The following GNG7 variants were observed in gnomAD, a reference collection of about 807,000 sequenced individuals.
GNG7 encodes guanine nucleotide-binding protein G(I)/G(S)/G(O) subunit gamma-7.
In GNG7, 1 loss-of-function variant was observed where a neutral mutation model predicts 4.0. That is an observed-to-expected ratio of 0.25 (90% CI 0.09 to 1.18). The LOEUF (loss-of-function observed/expected upper bound fraction) is 1.18, where lower values mean the gene tolerates loss of function less well. GNG7 is among the 50% of genes most tolerant of loss of function. The probability of loss-of-function intolerance (pLI) is 0.50; values close to 1 mark genes in which losing one functional copy is unlikely to be tolerated. For missense variants in GNG7, 86 were observed against 91.9 expected (o/e 0.94, Z 0.26); for synonymous variants, 34 against 36.9 (o/e 0.92, Z 0.29).
rs557762144 is a variant in GNG7 at position 2,617,722 on chromosome 19, A to G, written c.-78+28502T>C. On this transcript the variant is annotated intron_variant, in intron 2 of 4. Coordinates refer to ENST00000382159, the MANE Select transcript of GNG7 (RefSeq NM_052847.3). This position sits in a 1 kb window ranked among gnomAD's most constrained non-coding sequence, Gnocchi z 4.7. ...CATCCTATTTTGTCTTTTCCTTTTTATTTTTTTTTTTTTTGAGATAGGGTC... is the reference window on the plus strand; with the variant it reads ...CATCCTATTTTGTCTTTTCCTTTTTGTTTTTTTTTTTTTTGAGATAGGGTC... Among the ~76,000 whole-genome samples the G allele has an allele frequency of 1.4e-4, 20 of 139,334 alleles. No individual in the cohort carries two copies. The Middle Eastern group carries it at 0.011, about 79-fold the overall frequency. 91.4% of individuals were successfully genotyped at this position (139,334 alleles called of 152,430 possible). A position where few individuals can be genotyped will look rare whatever the true frequency, so the allele number is the denominator to read the frequency against.
intron 2 of GNG7, among the ~76,000 whole-genome samples, chr19:2,635,606 G>A (rs939395005): frequency 8.3e-5 from 12 of 144,120 alleles, no homozygotes; most frequent in African/African-American, 2.3e-4. Flanking sequence ...TTTTTGAGAC[G>A]GAGTCTCGCT....
intron 2 of GNG7, among the ~76,000 whole-genome samples, chr19:2,605,900 G>A (rs1439078925): frequency 6.6e-6 from 1 of 152,106 alleles, no homozygotes; most frequent in Non-Finnish European, 1.5e-5. Context: ...TCCTTCATGT[G>A]ATCACTTCTG....
intron 2 of GNG7, among the ~76,000 whole-genome samples, chr19:2,585,299 CA>C (rs373374281): frequency 2.0e-5 from 3 of 152,060 alleles, no homozygotes; most frequent in African/African-American, 7.3e-5. Flanking sequence ...ATATATCTAG[CA>C]TATATGCCAT....
chr19:2,631,375 G>A (rs1453670294), intron 2 of GNG7, among the ~76,000 whole-genome samples: 1 of 152,224 alleles, frequency 6.6e-6, no homozygotes, highest in East Asian at 1.9e-4. Context: ...TTCCTCACGA[G>A]TGGTTATGAG....
At position 2,514,283 on chromosome 19, in the gene GNG7, C is replaced by G. The variant is rs1283027425; in HGVS notation, c.*739G>C. On this transcript the variant is annotated 3_prime_UTR_variant, in exon 5 of 5. Coordinates refer to ENST00000382159, the MANE Select transcript of GNG7 (RefSeq NM_052847.3). The stretch of plus-strand genomic sequence containing the variant: ...TGGGGCAAGTCCCGAAAACCCATTT[C>G]TGGCACAGAGGGGACCCTGCAGAAA... 1 of 152,168 alleles carries G rather than the reference C, an allele frequency of 6.6e-6. No individual in the cohort carries two copies. Among genetic ancestry groups the G allele is most frequent in the African/African-American group, 2.4e-5 (1 of 41,404 alleles). 9.4% of individuals were successfully genotyped at this position (152,168 alleles called of 1,614,324 possible).
intron 4 of GNG7, among the ~76,000 whole-genome samples, chr19:2,517,300 G>A (rs1226201077): frequency 1.3e-5 from 2 of 151,960 alleles, no homozygotes; most frequent in African/African-American, 4.8e-5. Context: ...GCCTCAGCTG[G>A]GAGTACCTGA....
chr19:2,644,327 TTATATA>T (rs56143197), intron 2 of GNG7, among the ~76,000 whole-genome samples: 301 of 113,932 alleles, frequency 2.6e-3, no homozygotes, highest in Non-Finnish European at 3.4e-3. Flanking sequence ...GGCCTACACT[TTATATA>T]TATATATATA....
chr19:2,655,202 A>C (rs1982934533), intron 1 of GNG7, among the ~76,000 whole-genome samples: 1 of 150,466 alleles, frequency 6.6e-6, no homozygotes, highest in Non-Finnish European at 1.5e-5. Context: ...AAAAAAAAAA[A>C]AAACCACACA....
In GNG7 at chr19:2,638,255, C is replaced by A. The variant is rs144602831; in HGVS notation, c.-78+7969G>T. Among the ~76,000 whole-genome samples, 1,079 of 149,728 alleles carry A rather than the reference C, an allele frequency of 7.2e-3. 18 individuals carry two copies. Among genetic ancestry groups the A allele is most frequent in the African/African-American group, 0.025 (1,020 of 40,588 alleles). ...GCATGCACCTGTAATCCCAGCTACT[C>A]GGGAGGCCGAGGCAGAGAATTACTT... On this transcript the variant is annotated intron_variant, in intron 2 of 4. Transcript: ENST00000382159.
At chr19:2,597,543 G>A (rs1448520127) in intron 2 of GNG7, among the ~76,000 whole-genome samples, 1 of 151,722 alleles carries the variant, frequency 6.6e-6, no homozygotes, top group African/African-American at 2.4e-5. Flanking sequence ...GTTGCAGTGA[G>A]CCGAGATCAC....
chr19:2,673,154 G>C (rs7254888), intron 1 of GNG7, among the ~76,000 whole-genome samples: 12,125 of 151,876 alleles, frequency 0.08, 927 homozygotes, highest in African/African-American at 0.2. Context: ...CTACTCAGGA[G>C]GGTGAGCCAG....
At position 2,523,513 on chromosome 19, in the gene GNG7, C is replaced by T. The variant is rs140431833; in HGVS notation, c.-37-2788G>A. The stretch of plus-strand genomic sequence containing the variant: ...GGCCAGACTGGGCAATTTAGTGAGA[C>T]CCCATCTCTGAATAAATAATAAAAG... On this transcript the variant is annotated intron_variant, in intron 3 of 4. Coordinates refer to ENST00000382159, the MANE Select transcript of GNG7 (RefSeq NM_052847.3). Among the ~76,000 whole-genome samples the T allele has an allele frequency of 1.8e-4, 27 of 152,090 alleles. No individual in the cohort carries two copies. In the East Asian group the frequency reaches 4.1e-3, roughly 23 times the overall value.
At chr19:2,628,832 A>C (rs777107162) in intron 2 of GNG7, among the ~76,000 whole-genome samples, 17 of 152,178 alleles carry the variant, frequency 1.1e-4, no homozygotes, top group Non-Finnish European at 1.9e-4. Flanking sequence ...AGGTCAACTG[A>C]CTAGGAATCT....
Position 2,660,040 on chromosome 19 carries a change from G to A in GNG7, c.-134-13760C>T, listed in dbSNP as rs761528000. Among the ~76,000 whole-genome samples the A allele has an allele frequency of 3.3e-5, 5 of 152,170 alleles. No individual in the cohort carries two copies. In the East Asian group the frequency reaches 5.8e-4, roughly 18 times the overall value. On this transcript the variant is annotated intron_variant, in intron 1 of 4. Coordinates refer to ENST00000382159, the MANE Select transcript of GNG7 (RefSeq NM_052847.3). ...CCACACCAGAGCCATCCTCCTCACCGAGGGGCCATGGCGGCGAGCGGATCA... is the reference window on the plus strand; with the variant it reads ...CCACACCAGAGCCATCCTCCTCACCAAGGGGCCATGGCGGCGAGCGGATCA...
chr19:2,686,876 T>G lies in GNG7; in HGVS notation c.-135+15770A>C, dbSNP rs375279161. On this transcript the variant is annotated intron_variant, in intron 1 of 4. Coordinates refer to ENST00000382159, the MANE Select transcript of GNG7 (RefSeq NM_052847.3). ...ACACCATTCCCCTGCCTCAGCCTCC[T>G]GAGTAGCTGGGACTACAGGCGCCCG... is the stretch of plus-strand genomic sequence containing the variant. Among the ~76,000 whole-genome samples, 9 of 151,164 alleles carry G rather than the reference T, an allele frequency of 6.0e-5. 1 individual carries two copies. The East Asian group carries it at 1.4e-3, about 23-fold the overall frequency.
At chr19:2,648,470 AGGAAATCTCT>A (rs1379533039) in intron 1 of GNG7, among the ~76,000 whole-genome samples, 4 of 152,258 alleles carry the variant, frequency 2.6e-5, no homozygotes, top group Non-Finnish European at 5.9e-5. Flanking sequence ...AGAGGTAGAC[AGGAAATCTCT>A]GGATTTCTTT....
At chr19:2,531,804 G>C (rs1213387818) in intron 3 of GNG7, among the ~76,000 whole-genome samples, 7 of 150,326 alleles carry the variant, frequency 4.7e-5, no homozygotes, top group Non-Finnish European at 8.9e-5. Context: ...ACAATATCTG[G>C]CATGCAAGTA....
At chr19:2,573,265 C>T (rs1223144001) in intron 2 of GNG7, among the ~76,000 whole-genome samples, 7 of 151,632 alleles carry the variant, frequency 4.6e-5, no homozygotes, top group African/African-American at 9.7e-5. Flanking sequence ...TCAGGTGATC[C>T]GCCCGCCTCA....
At chr19:2,553,151 A>T (rs909256822) in intron 3 of GNG7, among the ~76,000 whole-genome samples, 1 of 151,442 alleles carries the variant, frequency 6.6e-6, no homozygotes, top group African/African-American at 2.4e-5. Flanking sequence ...AAGAGGAAAT[A>T]AGATGCAGAT....
Sources: allele counts gnomAD v4.1 joint callset (sites outside exome capture counted in the v4.1 genomes callset), GRCh38; gene constraint gnomAD v4.1.1; non-coding constraint Gnocchi (gnomAD v3.1); transcripts MANE v1.5; gene names NCBI Gene and HGNC (gene_info 2026-07-23, HGNC 2026-07-21).